Variants in ALCAM observed in about 807,000 individuals in gnomAD.
The protein encoded by ALCAM is CD166 antigen.
A neutral mutation model predicts 70.9 loss-of-function variants in ALCAM; 30 were observed. The ratio of observed to expected loss-of-function variants is 0.42; its 90% confidence interval spans 0.32 to 0.57. ALCAM has a LOEUF of 0.57. Ranked by LOEUF, ALCAM falls within the 20% of genes least tolerant of loss-of-function variation. The pLI is 0.11. For synonymous variants in ALCAM, 249 were observed against 242.5 expected (o/e 1.03, Z -0.25); for missense variants, 591 against 695.1 (o/e 0.85, Z 1.68).
rs555994583 is a variant in ALCAM at position 105,533,627 on chromosome 3, A to G, written c.484A>G (p.Ser162Gly). Reference protein sequence around the residue: ...KKLGDCISEDSYPDGNITWYR... With the variant: ...KKLGDCISEDGYPDGNITWYR... ...GTTGGGTGACTGCATTTCAGAAGAC[A>G]GTTATCCAGATGGCAATATCACATG... The change falls in exon 5 of 16, where the codon AGT becomes GGT. Residue 162 changes from serine (S) to glycine (G), a missense_variant. Around this residue, in one of 2 missense-constraint regions of ALCAM, gnomAD observed 427 missense variants for 450.4 expected, o/e 0.95. Transcript: ENST00000306107. 2 of 1,611,974 alleles carry G rather than the reference A, an allele frequency of 1.2e-6. No homozygotes were observed. Among genetic ancestry groups the G allele is most frequent in the East Asian group, 2.2e-5 (1 of 44,814 alleles).
At chr3:105,566,323 G>A (rs1161381630) in intron 14 of ALCAM, among the ~76,000 whole-genome samples, 1 of 152,048 alleles carries the variant, frequency 6.6e-6, no homozygotes, top group African/African-American at 2.4e-5. Context: ...AATAAAGATT[G>A]TACATTTATT....
At chr3:105,367,835 T>C (rs1576112638) in intron 1 of ALCAM, among the ~76,000 whole-genome samples, 1 of 152,120 alleles carries the variant, frequency 6.6e-6, no homozygotes, top group African/African-American at 2.4e-5. Flanking sequence ...GGTATCCAAG[T>C]CCACGTCACT....
intron 4 of ALCAM, among the ~76,000 whole-genome samples, chr3:105,532,921 A>G (rs1167213153): frequency 1.3e-5 from 2 of 152,194 alleles, no homozygotes; most frequent in African/African-American, 2.4e-5. Flanking sequence ...TCAGATTCGA[A>G]CAACACATTA....
rs77095772 is a variant in ALCAM, at chr3:105,496,898, C to T, written c.74-23169C>T. On this transcript the variant is annotated intron_variant, in intron 1 of 15. Transcript: ENST00000306107. ...TGTGGTGGAACGTACAGAAAAGAGACGAAAAAGAGCAATGAAGAAGTGTAA... is the reference window on the plus strand; with the variant it reads ...TGTGGTGGAACGTACAGAAAAGAGATGAAAAAGAGCAATGAAGAAGTGTAA... Among the ~76,000 whole-genome samples, 88 of 149,970 alleles carry T rather than the reference C, an allele frequency of 5.9e-4. 1 individual carries two copies. The East Asian group carries it at 7.4e-3, about 13-fold the overall frequency.
intron 1 of ALCAM, among the ~76,000 whole-genome samples, chr3:105,383,985 C>G (rs1935589107): frequency 6.6e-6 from 1 of 151,566 alleles, no homozygotes; most frequent in South Asian, 2.1e-4. Flanking sequence ...ACTTCATAAG[C>G]AGATTGATCA....
chr3:105,561,902 A>G (rs989505453), intron 14 of ALCAM, among the ~76,000 whole-genome samples: 4 of 152,216 alleles, frequency 2.6e-5, no homozygotes, highest in African/African-American at 9.6e-5. Context: ...TAACAAAAGC[A>G]TGGAGTATGG....
chr3:105,385,945 T>C (rs1935641562), intron 1 of ALCAM, among the ~76,000 whole-genome samples: 1 of 151,436 alleles, frequency 6.6e-6, no homozygotes, highest in Non-Finnish European at 1.5e-5. Flanking sequence ...TCTATATAGG[T>C]TCAGTTCCAT....
intron 3 of ALCAM, among the ~76,000 whole-genome samples, chr3:105,528,675 A>G (rs560520481): frequency 1.4e-4 from 22 of 152,292 alleles, no homozygotes; most frequent in Admixed American, 5.9e-4. Context: ...TGGGAGCTAA[A>G]TGATGAGAAC....
intron 1 of ALCAM, among the ~76,000 whole-genome samples, chr3:105,413,021 T>C (rs1936426309): frequency 6.6e-6 from 1 of 152,126 alleles, no homozygotes; most frequent in Non-Finnish European, 1.5e-5. Flanking sequence ...TTGGGTTCTA[T>C]TAATTTGTGC....
intron 1 of ALCAM, among the ~76,000 whole-genome samples, chr3:105,477,862 T>C (rs947988527): frequency 6.7e-6 from 1 of 149,038 alleles, no homozygotes; most frequent in Non-Finnish European, 1.5e-5. Context: ...AGTTCAAATA[T>C]ACAGTATTAG....
At chr3:105,505,751 A>G (rs74572454) in intron 1 of ALCAM, among the ~76,000 whole-genome samples, 19,831 of 152,174 alleles carry the variant, frequency 0.13, 1,353 homozygotes, top group Middle Eastern at 0.17. Flanking sequence ...TTAAATTCTA[A>G]TCAGATGTTT....
At chr3:105,394,005 T>C (rs74745867) in intron 1 of ALCAM, among the ~76,000 whole-genome samples, 2,350 of 152,044 alleles carry the variant, frequency 0.015, 26 homozygotes, top group Middle Eastern at 0.048. Context: ...ACTGTTATTT[T>C]GTGCCTGTGT....
intron 1 of ALCAM, among the ~76,000 whole-genome samples, chr3:105,499,093 C>A (rs1403423470): frequency 6.6e-6 from 1 of 152,034 alleles, no homozygotes; most frequent in Non-Finnish European, 1.5e-5. Context: ...TACAATATCA[C>A]TAGATATCTT....
chr3:105,457,194 T>C (rs1399945058), intron 1 of ALCAM, among the ~76,000 whole-genome samples: 2 of 152,220 alleles, frequency 1.3e-5, no homozygotes, highest in African/African-American at 2.4e-5. Context: ...AATAATGGCC[T>C]CCAGCTCCAT....
intron 14 of ALCAM, 149 bp from the exon 15 acceptor site, chr3:105,571,703 T>C: frequency 1.7e-6 from 1 of 578,588 alleles, no homozygotes; most frequent in East Asian, 2.9e-5. Flanking sequence ...CCATTATCAG[T>C]CAAGGCTCAC....
chr3:105,500,658 A>C (rs1282063999), intron 1 of ALCAM, among the ~76,000 whole-genome samples: 1 of 152,198 alleles, frequency 6.6e-6, no homozygotes, highest in Non-Finnish European at 1.5e-5. Flanking sequence ...CATAAAAACA[A>C]TATTGGATTA....
intron 3 of ALCAM, chr3:105,525,505 A>G (rs1939680637): frequency 3.4e-6 from 1 of 296,890 alleles, no homozygotes; most frequent in Non-Finnish European, 5.0e-6. Flanking sequence ...AGAAGGTTTC[A>G]CTTTACAACT....
At chr3:105,554,486 C>A (rs140069758) in intron 14 of ALCAM, among the ~76,000 whole-genome samples, 2 of 152,048 alleles carry the variant, frequency 1.3e-5, no homozygotes, top group East Asian at 3.9e-4. Flanking sequence ...TTAATCTCAC[C>A]CAGAGATACC....
chr3:105,444,057 C>G lies in ALCAM; in HGVS notation c.74-76010C>G, dbSNP rs138230590. Among the ~76,000 whole-genome samples, 459 of 152,234 alleles carry G rather than the reference C, an allele frequency of 3.0e-3. 9 individuals are homozygous for G. The highest frequency in any genetic ancestry group is 0.029 in the South Asian group (142 of 4,824). On this transcript the variant is annotated intron_variant, in intron 1 of 15. Transcript: ENST00000306107. ...TCTTAAAGGGCTCTTTAAAAAAATG[C>G]ATGGTATGTCCATCATAGAGCAAGA...
Sources: allele counts gnomAD v4.1 joint callset (sites outside exome capture counted in the v4.1 genomes callset), GRCh38; gene constraint gnomAD v4.1.1; regional missense constraint gnomAD v4.1.1; transcripts MANE v1.5; gene names NCBI Gene and HGNC (gene_info 2026-07-23, HGNC 2026-07-21).